Variants in GSE1 observed in about 807,000 individuals in gnomAD.
GSE1 encodes Gse1 coiled-coil protein, also known as genetic suppressor element 1.
A neutral mutation model predicts 112.6 loss-of-function variants in GSE1; 32 were observed. The observed-to-expected ratio is 0.28, with a 90% CI of 0.21 to 0.38. The LOEUF (loss-of-function observed/expected upper bound fraction) is 0.38. GSE1 is among the 10% of genes least tolerant of loss of function. The probability of loss-of-function intolerance (pLI) is 1.00; values close to 1 mark genes in which losing one functional copy is unlikely to be tolerated. For synonymous variants in GSE1, 1,115 were observed against 735.6 expected (o/e 1.52, Z -8.35); for missense variants, 2,348 against 1,699.2 (o/e 1.38, Z -6.71).
At chr16:85,608,693 G>T (rs2047824110), upstream of GSE1, among the ~76,000 whole-genome samples, 1 of 152,218 alleles carries the variant, frequency 6.6e-6, no homozygotes, top group South Asian at 2.1e-4. Context: ...CTCGGGCTGT[G>T]TAATGGAGGT....
rs1347110693 is a variant in GSE1 at position 85,419,408 on chromosome 16, T to C, written c.2464+61765T>C. Among the ~76,000 whole-genome samples the C allele has an allele frequency of 6.7e-6, 1 of 148,728 alleles. No homozygotes were observed. Among genetic ancestry groups the C allele is most frequent in the African/African-American group, 2.5e-5 (1 of 40,202 alleles). ...TGGGAGGACTGCTTGAGCCCAGGAGTTTGAGACCAGCCTGAGCAACATAGT... is the reference window on the plus strand; with the variant it reads ...TGGGAGGACTGCTTGAGCCCAGGAGCTTGAGACCAGCCTGAGCAACATAGT... On this transcript the variant is annotated intron_variant, in intron 2 of 2. Coordinates refer to the GSE1 transcript ENST00000637419. The surrounding 1 kb of genome is among the most constrained non-coding windows in gnomAD (Gnocchi z 6.5).
At chr16:85,201,073 G>A (rs757236359) in intron 1 of GSE1, among the ~76,000 whole-genome samples, 7 of 152,138 alleles carry the variant, frequency 4.6e-5, no homozygotes, top group Non-Finnish European at 1.0e-4. Context: ...CTTGGGACTA[G>A]AGGTGTTTCT....
intron 2 of GSE1, among the ~76,000 whole-genome samples, chr16:85,509,761 A>G (rs1006456664): frequency 2.6e-5 from 4 of 152,188 alleles, no homozygotes; most frequent in Admixed American, 6.5e-5. Context: ...GTGTGCCATG[A>G]GCCACATTCG....
At chr16:85,623,995 T>C (rs1035963180) in intron 1 of GSE1, among the ~76,000 whole-genome samples, 4 of 152,176 alleles carry the variant, frequency 2.6e-5, no homozygotes, top group Non-Finnish European at 5.9e-5. Context: ...CCTTGGATCC[T>C]CTCTCCCTCC....
chr16:85,452,808 T>TC (rs1399045482), intron 2 of GSE1, among the ~76,000 whole-genome samples: 4 of 152,146 alleles, frequency 2.6e-5, no homozygotes, highest in Admixed American at 6.5e-5. Context: ...GCGTTCTCTC[T>TC]CCCCCGTTCG....
intron 1 of GSE1, among the ~76,000 whole-genome samples, chr16:85,627,671 G>A (rs1017087912): frequency 1.3e-5 from 2 of 150,306 alleles, no homozygotes; most frequent in African/African-American, 2.5e-5. Context: ...GACAGCCCCC[G>A]GCCCCCCGGC....
intron 2 of GSE1, among the ~76,000 whole-genome samples, chr16:85,500,421 C>T (rs1261487780): frequency 6.6e-6 from 1 of 152,226 alleles, no homozygotes; most frequent in Non-Finnish European, 1.5e-5. Flanking sequence ...AATCACTCGG[C>T]ACTTCAAAAG....
chr16:85,251,135 G>A (rs982427740), intron 1 of GSE1, among the ~76,000 whole-genome samples: 11 of 152,196 alleles, frequency 7.2e-5, no homozygotes, highest in Admixed American at 1.3e-4. Flanking sequence ...CTGTGGACGC[G>A]CGTCTCCATC....
chr16:85,489,508 C>A (rs1342120412), intron 2 of GSE1, among the ~76,000 whole-genome samples: 1 of 152,110 alleles, frequency 6.6e-6, no homozygotes, highest in Non-Finnish European at 1.5e-5. Context: ...AGGGACTGTG[C>A]AGCCATCGGA....
intron 1 of GSE1, among the ~76,000 whole-genome samples, chr16:85,312,208 G>GGGGC (rs1555559876): frequency 2.7e-5 from 4 of 149,306 alleles, no homozygotes; most frequent in Admixed American, 6.6e-5. Flanking sequence ...CTCTTGCGGG[G>GGGGC]GGGGGGGGGA....
At chr16:85,467,839 G>A (rs1361827196) in intron 2 of GSE1, among the ~76,000 whole-genome samples, 3 of 152,240 alleles carry the variant, frequency 2.0e-5, no homozygotes, top group African/African-American at 7.2e-5. Context: ...GGGTGTTGGA[G>A]TTGACAGTTG....
intron 1 of GSE1, among the ~76,000 whole-genome samples, chr16:85,567,564 G>T (rs2045812469): frequency 6.6e-6 from 1 of 152,196 alleles, no homozygotes; most frequent in Admixed American, 6.5e-5. Context: ...AAACATGGCG[G>T]CCCCAGAGCT....
At chr16:85,235,046 C>T (rs921108057) in intron 1 of GSE1, among the ~76,000 whole-genome samples, 1 of 151,100 alleles carries the variant, frequency 6.6e-6, no homozygotes, top group African/African-American at 2.4e-5. Context: ...TGGGACCAGA[C>T]ATCTGTAGAT....
At chr16:85,650,309 C>T (rs1206616142) in intron 3 of GSE1, among the ~76,000 whole-genome samples, 1 of 152,132 alleles carries the variant, frequency 6.6e-6, no homozygotes, top group Non-Finnish European at 1.5e-5. Flanking sequence ...ACCCCATGGG[C>T]CCTGAATCAC....
In GSE1 at chr16:85,666,273, T is replaced by C. The variant is rs2052852763; in HGVS notation, c.3056T>C (p.Val1019Ala). ...NGKSKPWEPF[V>A]AEEFAHQFHE... Reference sequence around the variant, plus strand: ...AAGAGCAAGCCGTGGGAGCCCTTTGTGGCAGAAGAGTTTGCACATCAGTTC... The same window carrying C: ...AAGAGCAAGCCGTGGGAGCCCTTTGCGGCAGAAGAGTTTGCACATCAGTTC... The change falls in exon 13 of 16, where the codon GTG becomes GCG. Residue 1019 changes from valine to alanine, a missense_variant. Physicochemically the swap from Val to Ala is moderately conservative, Grantham distance 64. Coordinates refer to ENST00000253458, the MANE Select transcript of GSE1 (RefSeq NM_014615.5). 1.2e-6 allele frequency: 2 copies of C among 1,613,748 alleles called. No homozygotes were observed. The highest frequency in any genetic ancestry group is 2.7e-5 in the African/African-American group (2 of 74,932).
intron 1 of GSE1, among the ~76,000 whole-genome samples, chr16:85,225,105 C>G (rs1164258827): frequency 4.6e-5 from 7 of 151,574 alleles, no homozygotes; most frequent in Non-Finnish European, 8.8e-5. Context: ...GCCTGGGTGA[C>G]AGAGAGAGAT....
At chr16:85,363,408 C>G (rs967740319) in intron 2 of GSE1, among the ~76,000 whole-genome samples, 3 of 152,204 alleles carry the variant, frequency 2.0e-5, no homozygotes, top group African/African-American at 7.2e-5. Context: ...AGTGCTTGCT[C>G]CAGGCTTTGG....
chr16:85,278,742 G>A (rs1345122294), intron 1 of GSE1: 1 of 153,040 alleles, frequency 6.5e-6, no homozygotes, highest in East Asian at 1.9e-4. Flanking sequence ...ACATATTCAT[G>A]TTTCATAGTT....
intron 2 of GSE1, among the ~76,000 whole-genome samples, chr16:85,399,117 C>A (rs1327624789): frequency 1.3e-5 from 2 of 152,102 alleles, no homozygotes; most frequent in Non-Finnish European, 2.9e-5. Flanking sequence ...TGTGAGGATG[C>A]ATAGGATTGC....
Sources: allele counts gnomAD v4.1 joint callset (sites outside exome capture counted in the v4.1 genomes callset), GRCh38; gene constraint gnomAD v4.1.1; non-coding constraint Gnocchi (gnomAD v3.1); transcripts MANE v1.5; gene names NCBI Gene and HGNC (gene_info 2026-07-23, HGNC 2026-07-21).